The following CAPS2 variants were observed in gnomAD, a reference collection of about 807,000 sequenced individuals.
CAPS2 encodes the protein calcyphosine 2, also known as calcyphosin-2.
In CAPS2, 98 loss-of-function variants were observed where a neutral mutation model predicts 86.5. That is an observed-to-expected ratio of 1.13 (90% CI 0.96 to 1.34). The LOEUF (loss-of-function observed/expected upper bound fraction) is 1.34. CAPS2 is among the 40% of genes most tolerant of loss of function. The probability of loss-of-function intolerance (pLI) is 0.00; values close to 1 mark genes in which losing one functional copy is unlikely to be tolerated. For missense variants in CAPS2, 729 were observed against 686.8 expected, an observed-to-expected ratio of 1.06 and a Z score of -0.69; for synonymous variants, 210 against 225.1, an observed-to-expected ratio of 0.93 and a Z score of 0.60.
At chr12:75,363,136 G>A (rs1392398049) in intron 1 of CAPS2, 9 of 1,559,350 alleles carry the variant, frequency 5.8e-6, no homozygotes, top group Non-Finnish European at 7.8e-6. Flanking sequence ...TTACGTAAGA[G>A]GAGAATCTTG....
intron 8 of CAPS2, 109 bp from the exon 9 acceptor site, chr12:75,300,020 G>A (rs950231103): frequency 6.5e-6 from 3 of 464,690 alleles, no homozygotes; most frequent in African/African-American, 4.1e-5. Context: ...ACACAGATTG[G>A]ATAACAATAA....
chr12:75,291,564 AAAGT>A (rs2035911132), intron 13 of CAPS2, among the ~76,000 whole-genome samples, 176 bp downstream of exon 13: 1 of 65,062 alleles, frequency 1.5e-5, no homozygotes, highest in Non-Finnish European at 2.8e-5. Flanking sequence ...CTTATTTTTA[AAAGT>A]ATATATATAT....
chr12:75,315,110 A>G (rs562349063), intron 6 of CAPS2, among the ~76,000 whole-genome samples: 106 of 152,354 alleles, frequency 7.0e-4, no homozygotes, highest in African/African-American at 2.3e-3. Flanking sequence ...AGGAGGAGAC[A>G]GTTAAATGAG....
chr12:75,333,353 T>C (rs528582744), upstream of CAPS2, among the ~76,000 whole-genome samples: 1 of 152,278 alleles, frequency 6.6e-6, no homozygotes, highest in South Asian at 2.1e-4. Flanking sequence ...CCTATAGATA[T>C]CTTTATATCC....
Position 75,298,689 on chromosome 12 carries a change from C to A in CAPS2, c.1042G>T (p.Val348Phe), listed in dbSNP as rs761447138. The stretch of plus-strand genomic sequence containing the variant: ...GTGCACACACACACACCACTTACAA[C>A]ATAAAAATCACCAAGTCGGTATTGT... Residue 348 changes from valine (V) to phenylalanine (F), a missense_variant and splice_region_variant, in exon 11 of 17, where the codon GTT becomes TTT. By Grantham distance (50) the Val-to-Phe change is conservative (BLOSUM62 -1). Transcript: ENST00000393284. 5 of 1,612,442 alleles carry A rather than the reference C, an allele frequency of 3.1e-6. No homozygotes were observed. Among genetic ancestry groups the A allele is most frequent in the Non-Finnish European group, 4.2e-6 (5 of 1,178,478 alleles).
intron 1 of CAPS2, among the ~76,000 whole-genome samples, chr12:75,348,682 T>G (rs781638043): frequency 6.6e-6 from 1 of 152,174 alleles, no homozygotes; most frequent in Non-Finnish European, 1.5e-5. Flanking sequence ...AAACAAATTA[T>G]GTACGTAACA....
chr12:75,308,902 CA>C (rs10634496), intron 7 of CAPS2, among the ~76,000 whole-genome samples: 64 of 98,170 alleles, frequency 6.5e-4, no homozygotes, highest in South Asian at 5.0e-3. Flanking sequence ...GACTCGGTCT[CA>C]AAAAAAAAAA....
intron 5 of CAPS2, among the ~76,000 whole-genome samples, chr12:75,318,471 C>T (rs1312672832): frequency 6.6e-6 from 1 of 152,118 alleles, no homozygotes; most frequent in Non-Finnish European, 1.5e-5. Flanking sequence ...CCCAAACTCC[C>T]TTTAACTCTC....
At chr12:75,386,634 C>CCA (rs2045307131) in intron 1 of CAPS2, among the ~76,000 whole-genome samples, 1 of 152,118 alleles carries the variant, frequency 6.6e-6, no homozygotes, top group Non-Finnish European at 1.5e-5. Context: ...AATTTTCCAG[C>CCA]ATATGAATTT....
At chr12:75,292,406 A>G (rs1183711562) in intron 12 of CAPS2, among the ~76,000 whole-genome samples, 2 of 151,932 alleles carry the variant, frequency 1.3e-5, no homozygotes, top group African/African-American at 2.4e-5. Context: ...TAAACATTTA[A>G]TTAAAACTAT....
chr12:75,288,204 A>G (rs2035240035), intron 14 of CAPS2, among the ~76,000 whole-genome samples: 1 of 152,220 alleles, frequency 6.6e-6, no homozygotes, highest in Non-Finnish European at 1.5e-5. Context: ...CAAAACGAAG[A>G]GAGGAAGTTA....
rs978603224 is a variant in CAPS2, at chr12:75,335,877, T to C, written c.-394-12655A>G. Among the ~76,000 whole-genome samples the C allele has an allele frequency of 2.0e-5, 3 of 151,970 alleles. 1 individual carries two copies. Among genetic ancestry groups the C allele is most frequent in the Non-Finnish European group, 4.4e-5 (3 of 67,874 alleles). ...CAACGGAATTCAGAAATACTAATAT[T>C]AGTATTAATATGGTTGATGCCTTTA... On this transcript the variant is annotated intron_variant, in intron 1 of 5. Coordinates refer to the CAPS2 transcript ENST00000551829.
chr12:75,342,025 G>A (rs1183244435), intron 1 of CAPS2, among the ~76,000 whole-genome samples: 1 of 152,172 alleles, frequency 6.6e-6, no homozygotes, highest in Non-Finnish European at 1.5e-5. Flanking sequence ...TTACAGGCAT[G>A]AGTCACCACG....
At chr12:75,280,061 C>A (rs900981238) in intron 16 of CAPS2, among the ~76,000 whole-genome samples, 1 of 151,712 alleles carries the variant, frequency 6.6e-6, no homozygotes, top group Non-Finnish European at 1.5e-5. Flanking sequence ...CTCTCGGAGA[C>A]CAGAAAATAT....
At chr12:75,276,350 C>A, downstream of CAPS2, 1 of 1,433,830 alleles carries the variant, frequency 7.0e-7, no homozygotes, top group East Asian at 2.7e-5. Context: ...TAAACATAGC[C>A]TAATGTACAC....
chr12:75,282,460 C>A lies in CAPS2; in HGVS notation c.1516-113G>T, dbSNP rs570147348. The A allele has an allele frequency of 1.7e-4, 121 of 703,802 alleles. 2 individuals carry two copies. In the South Asian group the frequency reaches 1.7e-3, roughly 10 times the overall value. The allele number at this position is 703,802 out of a possible 1,614,324, so 43.6% of individuals were successfully genotyped here. A position where few individuals can be genotyped will look rare whatever the true frequency, so the allele number is the denominator to read the frequency against. On this transcript the variant is annotated intron_variant, in intron 15 of 16. Transcript: ENST00000393284. ...GGAGTGCAATGGCGTGATCTCAGCT[C>A]ACTGCAATCTCCGCCTCCCAGGTTC...
intron 1 of CAPS2, among the ~76,000 whole-genome samples, chr12:75,388,779 A>G (rs1013559339): frequency 3.3e-5 from 5 of 152,140 alleles, no homozygotes; most frequent in Non-Finnish European, 7.3e-5. Flanking sequence ...CCTAATATAC[A>G]CTATGAACTC....
At chr12:75,329,966 G>A, upstream of CAPS2, 1 of 1,036,190 alleles carries the variant, frequency 9.7e-7, no homozygotes, top group South Asian at 1.5e-5. Flanking sequence ...AGTTAGAAGA[G>A]TTGGAAAAGG....
At position 75,343,978 on chromosome 12, in the gene CAPS2, G is replaced by A. The variant is rs368257352; in HGVS notation, c.-394-20756C>T. 4.7e-5 allele frequency: 70 copies of A among 1,498,022 alleles called. 2 individuals are homozygous for A. In the Middle Eastern group the frequency reaches 1.2e-3, roughly 25 times the overall value. The allele number at this position is 1,498,022 out of a possible 1,614,324, so 92.8% of individuals were successfully genotyped here. On this transcript the variant is annotated intron_variant, in intron 1 of 5. Transcript: ENST00000551829. ...TCTTTATTGATTAGTTCTTATTTGTGCATATTTTAATTGCCAGAATTTATT... is the reference window on the plus strand; with the variant it reads ...TCTTTATTGATTAGTTCTTATTTGTACATATTTTAATTGCCAGAATTTATT...
Sources: gnomAD v4.1 joint callset for allele counts (sites outside exome capture counted in the v4.1 genomes callset) on GRCh38, gnomAD v4.1.1 for gene constraint, MANE v1.5 for transcripts, NCBI Gene and HGNC (gene_info 2026-07-23, HGNC 2026-07-21) for gene names.